Variants in LEPR observed in about 807,000 individuals in gnomAD.
LEPR encodes the protein OB receptor.
A neutral mutation model predicts 114.7 loss-of-function variants in LEPR; 56 were observed. That is an observed-to-expected ratio of 0.49 (90% CI 0.39 to 0.61). The LOEUF (loss-of-function observed/expected upper bound fraction) is 0.61, where lower values mean the gene tolerates loss of function less well. Ranked by LOEUF, LEPR falls within the 20% of genes least tolerant of loss-of-function variation. The pLI is 0.00. For synonymous variants in LEPR, 443 were observed against 461.4 expected, an observed-to-expected ratio of 0.96 and a Z score of 0.51; for missense variants, 1,202 against 1,352.9, an observed-to-expected ratio of 0.89 and a Z score of 1.75.
intron 2 of LEPR, among the ~76,000 whole-genome samples, chr1:65,499,969 T>C (rs1013301169): frequency 9.2e-5 from 14 of 152,114 alleles, no homozygotes; most frequent in African/African-American, 3.4e-4. Context: ...AATCCCCACA[T>C]GTCAGGGGAG....
At chr1:65,571,975 A>G (rs565166061) in intron 4 of LEPR, among the ~76,000 whole-genome samples, 1 of 149,290 alleles carries the variant, frequency 6.7e-6, no homozygotes, top group Admixed American at 6.7e-5. Context: ...CCATCTCAAA[A>G]AAAAAAAAAA....
chr1:65,584,544 A>G (rs948880715), intron 5 of LEPR, among the ~76,000 whole-genome samples: 1 of 152,138 alleles, frequency 6.6e-6, no homozygotes, highest in Non-Finnish European at 1.5e-5. Flanking sequence ...GCAGTGAGAA[A>G]GAAACCTGGC....
In LEPR at chr1:65,616,095, G is replaced by A; in HGVS notation, c.2083G>A (p.Val695Met). The change falls in exon 15 of 20, where the codon GTG (valine) becomes ATG (methionine). Residue 695 changes from valine (V) to methionine (M), a missense_variant. Transcript: ENST00000349533. ...CTGCAATGGAACATGGTCAGAAGAT[G>A]TGGGAAATCACACGAAATTCACTTT... Reference protein sequence around the residue: ...TSCNGTWSEDVGNHTKFTFLW... With the variant: ...TSCNGTWSEDMGNHTKFTFLW... 1 of 1,614,190 alleles carries A rather than the reference G, an allele frequency of 6.2e-7. No individual in the cohort carries two copies. The highest frequency in any genetic ancestry group is 8.5e-7 in the Non-Finnish European group (1 of 1,180,014).
Position 65,592,290 on chromosome 1 carries a change from T to C in LEPR, c.495-367T>C, listed in dbSNP as rs1168060948. On this transcript the variant is annotated intron_variant, in intron 5 of 19. Transcript: ENST00000349533. ...TTTGCCTGATGGATTGCCTTTAGCA[T>C]TTTTTATAGTGCAAGTCTGATGGTG... 2.7e-5 allele frequency among the ~76,000 whole-genome samples: 4 copies of C among 150,114 alleles called. No individual in the cohort carries two copies. In the East Asian group the frequency reaches 5.8e-4, roughly 22 times the overall value.
rs149031661 is a variant in LEPR at position 65,431,295 on chromosome 1, A to G, written c.-21+5917A>G. On this transcript the variant is annotated intron_variant, in intron 2 of 19. Coordinates refer to ENST00000349533, the MANE Select transcript of LEPR (RefSeq NM_002303.6). ...AAGTAAAACAAAAAATGCCCACTAG[A>G]GGGTACTCTCACCCCCAAATGTGCT... Among the ~76,000 whole-genome samples, 281 of 152,330 alleles carry G rather than the reference A, an allele frequency of 1.8e-3. 1 individual carries two copies. Among genetic ancestry groups the G allele is most frequent in the Middle Eastern group, 0.01 (3 of 294 alleles).
At chr1:65,602,760 C>G (rs1656526902) in intron 10 of LEPR, among the ~76,000 whole-genome samples, 1 of 152,152 alleles carries the variant, frequency 6.6e-6, no homozygotes, top group Non-Finnish European at 1.5e-5. Flanking sequence ...TCCCTTCTCT[C>G]AAATACTGTG....
intron 2 of LEPR, 67 bp downstream of exon 2, chr1:65,425,445 A>AGG: frequency 7.2e-7 from 1 of 1,390,838 alleles, no homozygotes; most frequent in Admixed American, 2.4e-5. Context: ...TATGGGTGTT[A>AGG]GAGAGTTCGG....
chr1:65,499,864 G>C (rs1648353048), intron 2 of LEPR, among the ~76,000 whole-genome samples: 1 of 152,058 alleles, frequency 6.6e-6, no homozygotes, highest in Non-Finnish European at 1.5e-5. Context: ...TTCTAGAAAA[G>C]AGTTCAGATT....
rs1455857548 is a variant in LEPR at position 65,435,911 on chromosome 1, A to T, written c.-21+10533A>T. On this transcript the variant is annotated intron_variant, in intron 2 of 19. Coordinates refer to ENST00000349533, the MANE Select transcript of LEPR (RefSeq NM_002303.6). ...GCTCATAAATTATAATCTTTCAAAT[A>T]GCCATGCTACCAGCGTACAACAGTG... The T allele has an allele frequency of 7.1e-6, 7 of 984,984 alleles. No homozygotes were observed. In the East Asian group the frequency reaches 6.8e-4, roughly 96 times the overall value. The allele number at this position is 984,984 out of a possible 1,614,324, so 61.0% of individuals were successfully genotyped here. A position where few individuals can be genotyped will look rare whatever the true frequency, so the allele number is the denominator to read the frequency against.
chr1:65,449,260 C>CTTTT (rs201429452), intron 2 of LEPR, among the ~76,000 whole-genome samples: 26 of 118,512 alleles, frequency 2.2e-4, no homozygotes, highest in African/African-American at 5.3e-4. Context: ...TTTTATTTAT[C>CTTTT]TTTTTTTTTT....
chr1:65,574,191 G>C (rs528607416), intron 5 of LEPR, among the ~76,000 whole-genome samples: 1 of 152,260 alleles, frequency 6.6e-6, no homozygotes, highest in African/African-American at 2.4e-5. Flanking sequence ...GCTGAGTTGA[G>C]TCATTAGAGA....
In LEPR at chr1:65,572,496, T is replaced by A. The variant is rs749806062; in HGVS notation, c.494+47T>A. The A allele has an allele frequency of 4.1e-5, 62 of 1,523,134 alleles. No individual in the cohort carries two copies. In the Middle Eastern group the frequency reaches 9.0e-4, roughly 22 times the overall value. The allele number at this position is 1,523,134 out of a possible 1,614,324, so 94.4% of individuals were successfully genotyped here. On this transcript the variant is annotated intron_variant, in intron 5 of 19. Coordinates refer to ENST00000349533, the MANE Select transcript of LEPR (RefSeq NM_002303.6). ...TGGCATTTCTAATACACAGTTTTTT[T>A]AAAAGAGCTTTCATATACGGAAGTA...
chr1:65,516,867 C>T (rs1649312851), intron 2 of LEPR, among the ~76,000 whole-genome samples: 2 of 152,296 alleles, frequency 1.3e-5, no homozygotes, highest in African/African-American at 2.4e-5. Flanking sequence ...AGACTCATCA[C>T]CTATTCTGAG....
chr1:65,545,434 G>A (rs1303586216), intron 2 of LEPR, among the ~76,000 whole-genome samples: 1 of 151,592 alleles, frequency 6.6e-6, no homozygotes, highest in East Asian at 2.0e-4. Flanking sequence ...CAGTGTAAAA[G>A]TGTTCCTATT....
At chr1:65,438,714 CT>C (rs1646601723) in intron 2 of LEPR, among the ~76,000 whole-genome samples, 1 of 151,838 alleles carries the variant, frequency 6.6e-6, no homozygotes, top group Non-Finnish European at 1.5e-5. Context: ...TTTCTTTTTT[CT>C]TTTTTTCTAC....
intron 19 of LEPR, chr1:65,626,331 T>G: frequency 7.5e-7 from 1 of 1,334,106 alleles, no homozygotes; most frequent in Non-Finnish European, 9.6e-7. Context: ...TGAAGAATTT[T>G]TATAATACAG....
intron 5 of LEPR, among the ~76,000 whole-genome samples, chr1:65,592,064 C>T (rs965058784): frequency 1.3e-5 from 2 of 151,910 alleles, no homozygotes; most frequent in South Asian, 4.1e-4. Context: ...CATACCACTT[C>T]GTGTAAGAAC....
rs552226047 is a variant in LEPR at position 65,618,307 on chromosome 1, C to T, written c.2395+161C>T. 2.1e-5 allele frequency among the ~76,000 whole-genome samples: 3 copies of T among 142,198 alleles called. No homozygotes were observed. In the Admixed American group the frequency reaches 2.2e-4, roughly 11 times the overall value. The allele number at this position is 142,198 out of a possible 152,430, so 93.3% of individuals were successfully genotyped here. On this transcript the variant is annotated intron_variant, in intron 16 of 19. Coordinates refer to ENST00000349533, the MANE Select transcript of LEPR (RefSeq NM_002303.6). ...ATAACCTTTATCAAAACATTTAATT[C>T]TCTTCCTCTTCTCTTCTCTTCTCTT...
intron 2 of LEPR, among the ~76,000 whole-genome samples, chr1:65,542,724 T>G (rs1292812265): frequency 2.0e-5 from 3 of 152,006 alleles, no homozygotes; most frequent in East Asian, 3.8e-4. Context: ...TTTGGTTTTC[T>G]GTTCCTGTGT....
Sources: allele counts gnomAD v4.1 joint callset (sites outside exome capture counted in the v4.1 genomes callset), GRCh38; gene constraint gnomAD v4.1.1; transcripts MANE v1.5; gene names NCBI Gene and HGNC (gene_info 2026-07-23, HGNC 2026-07-21).